SEPTIN14: variants seen among roughly 807,000 people sequenced by gnomAD.
SEPTIN14 encodes the protein septin 14.
SEPTIN14 carries 40 observed loss-of-function variants against 53.6 expected under a neutral mutation model. The observed-to-expected ratio is 0.75, with a 90% CI of 0.58 to 0.97. SEPTIN14 has a LOEUF of 0.97. Ranked by LOEUF, SEPTIN14 falls within the 50% of genes least tolerant of loss-of-function variation. SEPTIN14 has a pLI of 0.00. For missense variants in SEPTIN14, 471 were observed against 508.2 expected, an observed-to-expected ratio of 0.93 and a Z score of 0.70; for synonymous variants, 138 against 166.8, an observed-to-expected ratio of 0.83 and a Z score of 1.33.
At chr7:55,837,388 A>G (rs1050761300) in intron 5 of SEPTIN14, among the ~76,000 whole-genome samples, 3 of 152,154 alleles carry the variant, frequency 2.0e-5, no homozygotes, top group Non-Finnish European at 2.9e-5. Flanking sequence ...AAGTGCTGGG[A>G]TTACAGGCGT....
At chr7:55,801,584 G>A (rs531520550) in intron 9 of SEPTIN14, among the ~76,000 whole-genome samples, 105 of 152,198 alleles carry the variant, frequency 6.9e-4, no homozygotes, top group African/African-American at 1.5e-3. Context: ...AGAAAAGGCC[G>A]TACTAGGTGA....
intron 7 of SEPTIN14, chr7:55,811,344 G>C (rs1788702147): frequency 1.2e-5 from 6 of 505,750 alleles, no homozygotes; most frequent in South Asian, 9.2e-5. Flanking sequence ...TTTAAGAAAG[G>C]AGGCGAGCTT....
rs571776480 is a variant in SEPTIN14 at position 55,821,973 on chromosome 7, A to G, written c.721-2750T>C. ...AAGTGAAAGGCACTTCCTACATGGC[A>G]GCGGCAAGAGAAAATTAGGAAGAAG... is the stretch of plus-strand genomic sequence containing the variant. On this transcript the variant is annotated intron_variant, in intron 6 of 9. Transcript: ENST00000388975. 3.9e-5 allele frequency among the ~76,000 whole-genome samples: 6 copies of G among 152,342 alleles called. No individual in the cohort carries two copies. In the South Asian group the frequency reaches 8.3e-4, roughly 21 times the overall value.
chr7:55,835,412 C>CAGGATATT (rs1200124588), intron 5 of SEPTIN14, among the ~76,000 whole-genome samples: 1 of 151,960 alleles, frequency 6.6e-6, no homozygotes. Context: ...CCGTGTTAGC[C>CAGGATATT]AGGATATTCT....
chr7:55,844,477 C>T, intron 4 of SEPTIN14, 46 bp downstream of exon 4: 1 of 1,152,904 alleles, frequency 8.7e-7, no homozygotes, highest in Non-Finnish European at 1.2e-6. Flanking sequence ...AGTCAAATTC[C>T]TTGAAATAAG....
At chr7:55,804,043 G>A (rs1010666879) in intron 9 of SEPTIN14, among the ~76,000 whole-genome samples, 1 of 148,194 alleles carries the variant, frequency 6.7e-6, no homozygotes, top group African/African-American at 2.5e-5. Context: ...GGCTGGGGCA[G>A]GAGAATGGCG....
intron 7 of SEPTIN14, among the ~76,000 whole-genome samples, chr7:55,816,571 C>G (rs1788794751): frequency 6.7e-6 from 1 of 149,784 alleles, no homozygotes; most frequent in Non-Finnish European, 1.5e-5. Flanking sequence ...CTGAGGCAGG[C>G]AGATCACCTG....
intron 5 of SEPTIN14, among the ~76,000 whole-genome samples, chr7:55,840,187 T>C (rs1028395024): frequency 7.1e-5 from 10 of 141,626 alleles, no homozygotes; most frequent in African/African-American, 2.4e-4. Flanking sequence ...CTGGCACCCT[T>C]ATAAGAAGAT....
At chr7:55,804,310 AGGCAGTGGCACCATCTC>A (rs1788579233) in intron 9 of SEPTIN14, among the ~76,000 whole-genome samples, 1 of 146,606 alleles carries the variant, frequency 6.8e-6, no homozygotes, top group Non-Finnish European at 1.5e-5. Flanking sequence ...CCCAGGCTGG[AGGCAGTGGCACCATCTC>A]GGCTCACTGC....
At chr7:55,804,928 C>A (rs1788588947) in intron 9 of SEPTIN14, among the ~76,000 whole-genome samples, 1 of 152,092 alleles carries the variant, frequency 6.6e-6, no homozygotes, top group Non-Finnish European at 1.5e-5. Context: ...GCATTAATAG[C>A]ATTAGACAGT....
Position 55,830,343 on chromosome 7 carries a change from ATATATATTTT to A in SEPTIN14, c.720+4072_720+4081del, listed in dbSNP as rs1485066164. 8.0e-4 allele frequency among the ~76,000 whole-genome samples: 21 copies of A among 26,178 alleles called. No homozygotes were observed. The East Asian group carries it at 0.014, about 17-fold the overall frequency. The allele number at this position is 26,178 out of a possible 152,430, so 17.2% of individuals were successfully genotyped here. A position where few individuals can be genotyped will look rare whatever the true frequency, so the allele number is the denominator to read the frequency against. ...ACTGTATATATATATATATATATAT[ATATATATTTT>A]TTTTTTTTTTTGAGACGGAGTCTCG... On this transcript the variant is annotated intron_variant, in intron 6 of 9. Transcript: ENST00000388975.
At chr7:55,859,696 A>C (rs1776762575) in intron 2 of SEPTIN14, among the ~76,000 whole-genome samples, 1 of 151,978 alleles carries the variant, frequency 6.6e-6, no homozygotes, top group African/African-American at 2.4e-5. Flanking sequence ...TCCACTATAA[A>C]TGGAACTACC....
intron 6 of SEPTIN14, among the ~76,000 whole-genome samples, chr7:55,828,300 T>C (rs1162976589): frequency 3.9e-5 from 2 of 51,058 alleles, no homozygotes; most frequent in Non-Finnish European, 6.9e-5. Flanking sequence ...AGATGAAAGC[T>C]TTTTTTTTTT....
In SEPTIN14 at chr7:55,819,153, C is replaced by A; in HGVS notation, c.791G>T (p.Arg264Leu). The A allele has an allele frequency of 1.3e-6, 2 of 1,585,026 alleles. No homozygotes were observed. The highest frequency in any genetic ancestry group is 2.3e-5 in the South Asian group (2 of 86,530). ...VKVGKRMVRG[R>L]HYPWGVLQVE... Reference sequence around the variant, plus strand: ...TTGCAAAACTCCCCAAGGGTAGTGACGGCCTCTGACCATCCTTTTTCCAAC... The same window carrying A: ...TTGCAAAACTCCCCAAGGGTAGTGAAGGCCTCTGACCATCCTTTTTCCAAC... Residue 264 changes from arginine to leucine, a missense_variant, in exon 7 of 10, where the codon CGT becomes CTT. Physicochemically the swap from Arg to Leu is moderately radical, Grantham distance 102 (BLOSUM62 -2). Transcript: ENST00000388975.
chr7:55,857,098 C>T (rs1279774484), intron 2 of SEPTIN14, among the ~76,000 whole-genome samples: 1 of 149,770 alleles, frequency 6.7e-6, no homozygotes, highest in Non-Finnish European at 1.5e-5. Context: ...ACAGGATGGG[C>T]GTGGTGGCTT....
intron 9 of SEPTIN14, among the ~76,000 whole-genome samples, chr7:55,803,105 T>G (rs768775938): frequency 6.6e-6 from 1 of 152,050 alleles, no homozygotes; most frequent in Non-Finnish European, 1.5e-5. Context: ...ATCTGGCTAA[T>G]TTTTGTATTT....
At chr7:55,802,970 C>T (rs1788547322) in intron 9 of SEPTIN14, among the ~76,000 whole-genome samples, 1 of 150,524 alleles carries the variant, frequency 6.6e-6, no homozygotes, top group African/African-American at 2.4e-5. Context: ...TGGAGTCTCA[C>T]TCTGCTGCCC....
intron 7 of SEPTIN14, among the ~76,000 whole-genome samples, chr7:55,808,200 T>C (rs545728831): frequency 2.8e-4 from 42 of 152,304 alleles, no homozygotes; most frequent in South Asian, 1.2e-3. Context: ...AGCAAAGTAA[T>C]ACCCATTTTT....
chr7:55,850,654 T>C (rs1446015337), intron 2 of SEPTIN14: 1 of 152,184 alleles, frequency 6.6e-6, no homozygotes, highest in Non-Finnish European at 1.5e-5. Flanking sequence ...TGGAAGATAA[T>C]ATTCCATTTA....
Sources: allele counts gnomAD v4.1 joint callset (sites outside exome capture counted in the v4.1 genomes callset), GRCh38; gene constraint gnomAD v4.1.1; transcripts MANE v1.5; gene names NCBI Gene and HGNC (gene_info 2026-07-23, HGNC 2026-07-21).